BMERB1: variants seen among roughly 807,000 people sequenced by gnomAD.
BMERB1 encodes the protein bMERB domain-containing protein 1.
BMERB1 carries 12 observed loss-of-function variants against 23.6 expected under a neutral mutation model. The ratio of observed to expected loss-of-function variants is 0.51; its 90% confidence interval spans 0.33 to 0.82. The LOEUF is 0.82. BMERB1 is among the 40% of genes least tolerant of loss of function. BMERB1 has a pLI of 0.03. For missense variants in BMERB1, 247 were observed against 255.4 expected, an observed-to-expected ratio of 0.97 and a Z score of 0.22; for synonymous variants, 122 against 96.6, an observed-to-expected ratio of 1.26 and a Z score of -1.54.
intron 3 of BMERB1, among the ~76,000 whole-genome samples, chr16:15,572,670 T>C (rs983252072): frequency 1.2e-4 from 19 of 152,186 alleles, no homozygotes; most frequent in African/African-American, 4.6e-4. Flanking sequence ...GAAACCCCAA[T>C]GCAATTGATC....
At chr16:15,484,408 T>C (rs144342770) in intron 1 of BMERB1, among the ~76,000 whole-genome samples, 39 of 145,320 alleles carry the variant, frequency 2.7e-4, no homozygotes, top group Admixed American at 9.6e-4. Context: ...CCCCAACCTC[T>C]TTTTTTTTTT....
chr16:15,472,860 C>CTTT (rs34677062), intron 1 of BMERB1, among the ~76,000 whole-genome samples: 11 of 133,850 alleles, frequency 8.2e-5, no homozygotes, highest in Non-Finnish European at 1.6e-4. Flanking sequence ...AGGATTCCAT[C>CTTT]TTTTTTTTTT....
intron 3 of BMERB1, chr16:15,577,224 C>A (rs2030888397): frequency 6.6e-6 from 1 of 152,162 alleles, no homozygotes; most frequent in Admixed American, 6.5e-5. Flanking sequence ...CCAGCATTCA[C>A]CCGTGTAAGC....
Position 15,448,327 on chromosome 16 carries a change from G to T in BMERB1, c.106+13568G>T, listed in dbSNP as rs545016391. Among the ~76,000 whole-genome samples the T allele has an allele frequency of 2.0e-5, 3 of 152,298 alleles. No homozygotes were observed. In the East Asian group the frequency reaches 5.8e-4, roughly 29 times the overall value. ...AGGGCTGTATGTCCAAATATCCATG[G>T]CAGGGCTGGAGTCTGCAGGAGCAGT... On this transcript the variant is annotated intron_variant, in intron 1 of 5. Transcript: ENST00000300006.
Position 15,471,065 on chromosome 16 carries a change from G to A in BMERB1, c.106+36306G>A, listed in dbSNP as rs139152907. Among the ~76,000 whole-genome samples, 674 of 151,246 alleles carry A rather than the reference G, an allele frequency of 4.5e-3. 8 individuals carry two copies. The highest frequency in any genetic ancestry group is 0.016 in the African/African-American group (654 of 41,164). ...TTGCCCAAGCTAGTCTTGAACTCCTGACCTCAAGTCATCCTCCTGCCTCGG... is the reference window on the plus strand; with the variant it reads ...TTGCCCAAGCTAGTCTTGAACTCCTAACCTCAAGTCATCCTCCTGCCTCGG... On this transcript the variant is annotated intron_variant, in intron 1 of 5. Transcript: ENST00000300006.
intron 2 of BMERB1, among the ~76,000 whole-genome samples, chr16:15,542,750 A>G (rs1369111635): frequency 7.6e-5 from 11 of 145,466 alleles, no homozygotes; most frequent in African/African-American, 2.4e-4. Flanking sequence ...GAAATGGGGG[A>G]GCTCCCCTGT....
chr16:15,516,954 C>T lies in BMERB1; in HGVS notation c.230+1526C>T, dbSNP rs2051768320. Reference sequence around the variant, plus strand: ...TCGAACTCCTGAAAGCCCATACTCTCACTGGGACGTTATATGACCTTCCCT... The same window carrying T: ...TCGAACTCCTGAAAGCCCATACTCTTACTGGGACGTTATATGACCTTCCCT... On this transcript the variant is annotated intron_variant, in intron 2 of 5. Transcript: ENST00000300006. 5.9e-5 allele frequency among the ~76,000 whole-genome samples: 9 copies of T among 152,192 alleles called. No individual in the cohort carries two copies. In the South Asian group the frequency reaches 1.4e-3, roughly 25 times the overall value.
At chr16:15,472,172 G>A (rs370415701) in intron 1 of BMERB1, among the ~76,000 whole-genome samples, 9 of 152,144 alleles carry the variant, frequency 5.9e-5, no homozygotes, top group South Asian at 4.2e-4. Flanking sequence ...TTTTTTGGCC[G>A]GGGTATGGTC....
intron 1 of BMERB1, chr16:15,502,452 C>G: frequency 4.7e-6 from 6 of 1,264,012 alleles, no homozygotes; most frequent in Non-Finnish European, 5.6e-6. Context: ...CCAGGAGCTT[C>G]TGGGTTAAAA....
chr16:15,527,385 G>A (rs2051920234), intron 2 of BMERB1, among the ~76,000 whole-genome samples: 2 of 152,210 alleles, frequency 1.3e-5, no homozygotes, highest in East Asian at 1.9e-4. Flanking sequence ...TGGGTGGATC[G>A]CCTGAGCTCA....
intron 3 of BMERB1, among the ~76,000 whole-genome samples, chr16:15,570,661 A>G (rs949462144): frequency 1.3e-5 from 2 of 152,198 alleles, no homozygotes; most frequent in African/African-American, 4.8e-5. Context: ...CAAGTTTATT[A>G]AGAAAGCAAA....
intron 5 of BMERB1, chr16:15,584,050 T>G (rs1210699151): frequency 2.8e-6 from 2 of 702,326 alleles, no homozygotes; most frequent in Non-Finnish European, 5.2e-6. Context: ...TCTCAGAATA[T>G]TAACCTCATC....
chr16:15,468,514 A>G (rs1024820768), intron 1 of BMERB1, among the ~76,000 whole-genome samples: 2 of 152,114 alleles, frequency 1.3e-5, no homozygotes, highest in Non-Finnish European at 2.9e-5. Flanking sequence ...AGGCAGGTAT[A>G]ATGAGGCATG....
chr16:15,566,848 A>C (rs944317784), intron 2 of BMERB1, among the ~76,000 whole-genome samples: 2 of 152,106 alleles, frequency 1.3e-5, no homozygotes, highest in Non-Finnish European at 2.9e-5. Context: ...GTGCAATAAC[A>C]ATGGTGTCAT....
At chr16:15,583,981 G>A (rs779656850) in intron 5 of BMERB1, 3 of 701,688 alleles carry the variant, frequency 4.3e-6, no homozygotes, top group Admixed American at 2.0e-5. Flanking sequence ...AGCTACTGAG[G>A]CTCAGGGAGC....
At chr16:15,518,530 T>C (rs148489833) in intron 2 of BMERB1, among the ~76,000 whole-genome samples, 126 of 152,306 alleles carry the variant, frequency 8.3e-4, no homozygotes, top group South Asian at 2.9e-3. Flanking sequence ...CACAAAGTCC[T>C]CATCCATCAT....
At chr16:15,493,683 T>C (rs1265755281) in intron 1 of BMERB1, among the ~76,000 whole-genome samples, 1 of 152,072 alleles carries the variant, frequency 6.6e-6, no homozygotes, top group African/African-American at 2.4e-5. Flanking sequence ...CTGGCTGCTC[T>C]TCCCTGCGTC....
chr16:15,515,061 G>A lies in BMERB1; in HGVS notation c.107-244G>A, dbSNP rs535370014. 1.7e-4 allele frequency among the ~76,000 whole-genome samples: 26 copies of A among 152,308 alleles called. 2 individuals carry two copies. The South Asian group carries it at 5.0e-3, about 29-fold the overall frequency. On this transcript the variant is annotated intron_variant, in intron 1 of 5. Transcript: ENST00000300006. ...CGCTTCACCGCACTCCAGCCTGGGC[G>A]ACAGAGCCAGACTCCGTCTAAAAAC... is the stretch of plus-strand genomic sequence containing the variant.
intron 1 of BMERB1, among the ~76,000 whole-genome samples, chr16:15,458,502 C>T (rs945532496): frequency 4.6e-5 from 7 of 151,734 alleles, no homozygotes; most frequent in Admixed American, 3.9e-4. Context: ...ATTACCTGAA[C>T]TCAGGAGTTT....
Sources: gnomAD v4.1 joint callset for allele counts (sites outside exome capture counted in the v4.1 genomes callset) on GRCh38, gnomAD v4.1.1 for gene constraint, MANE v1.5 for transcripts, NCBI Gene and HGNC (gene_info 2026-07-23, HGNC 2026-07-21) for gene names.